Variants in HMCN2 observed in about 807,000 individuals in gnomAD.
The protein encoded by HMCN2 is hemicentin 2.
HMCN2 carries 325 observed loss-of-function variants against 377.5 expected under a neutral mutation model. That is an observed-to-expected ratio of 0.86 (90% CI 0.79 to 0.94). The LOEUF (loss-of-function observed/expected upper bound fraction) is 0.94. Among genes scored for constraint, HMCN2 ranks in the 40% least tolerant of loss-of-function variants. The pLI is 0.00. For missense variants in HMCN2, 4,543 were observed against 4,725.3 expected, an observed-to-expected ratio of 0.96 and a Z score of 1.13; for synonymous variants, 2,007 against 2,046.8, an observed-to-expected ratio of 0.98 and a Z score of 0.53.
At chr9:130,366,497 A>T (rs532919308) in intron 43 of HMCN2, among the ~76,000 whole-genome samples, 62 of 52,068 alleles carry the variant, frequency 1.2e-3, no homozygotes, top group African/African-American at 3.5e-3. Context: ...TTTTTTTGCC[A>T]GGCTGGAGTG....
At chr9:130,272,611 G>A (rs890302496) in intron 1 of HMCN2, among the ~76,000 whole-genome samples, 8 of 152,018 alleles carry the variant, frequency 5.3e-5, no homozygotes, top group African/African-American at 1.4e-4. Flanking sequence ...GCAGTGGCTC[G>A]ATCATGGCTC....
rs565693505 is a variant in HMCN2 at position 130,416,603 on chromosome 9, C to T, written c.12962-2169C>T. On this transcript the variant is annotated intron_variant, in intron 85 of 97. Transcript: ENST00000683500. ...CTCTAGGTTAGTTTCCAGTGATGGG[C>T]GGTTAAGAACAGGGCTGCTGTGACC... 3.9e-5 allele frequency among the ~76,000 whole-genome samples: 6 copies of T among 152,260 alleles called. No homozygotes were observed. The South Asian group carries it at 6.2e-4, about 16-fold the overall frequency.
intron 15 of HMCN2, among the ~76,000 whole-genome samples, chr9:130,311,345 C>A (rs927466131): frequency 4.3e-4 from 66 of 152,146 alleles, no homozygotes; most frequent in Non-Finnish European, 7.9e-4. Flanking sequence ...GGGGGTTGTG[C>A]TGTCTCAGGG....
intron 62 of HMCN2, among the ~76,000 whole-genome samples, chr9:130,390,481 C>T (rs892650194): frequency 6.6e-6 from 1 of 152,172 alleles, no homozygotes; most frequent in African/African-American, 2.4e-5. Flanking sequence ...GCAAGGAGAT[C>T]GTCCTGGGCT....
chr9:130,367,924 A>G (rs1487870843), intron 43 of HMCN2, among the ~76,000 whole-genome samples: 1 of 139,568 alleles, frequency 7.2e-6, no homozygotes, highest in Admixed American at 7.5e-5. Context: ...CCTGGGCAAC[A>G]GAGAGAGACT....
chr9:130,317,768 AGAGC>A (rs1837639291), intron 15 of HMCN2, among the ~76,000 whole-genome samples: 1 of 145,004 alleles, frequency 6.9e-6, no homozygotes, highest in East Asian at 2.2e-4. Flanking sequence ...CCTGGGCGAC[AGAGC>A]GAGACTCTGT....
chr9:130,354,866 C>A lies in HMCN2; in HGVS notation c.4968C>A (p.Pro1656=), dbSNP rs759898372. 4 of 1,304,292 alleles carry A rather than the reference C, an allele frequency of 3.1e-6. No homozygotes were observed. The highest frequency in any genetic ancestry group is 2.5e-5 in the South Asian group (2 of 81,034). The allele number at this position is 1,304,292 out of a possible 1,614,324, so 80.8% of individuals were successfully genotyped here. ...GCGTGGCCAGAGGCCACCCGTCCCC[C>A]ACCCTCTCCTGGCACCACGAGGGGC... ...LECVARGHPS[P]TLSWHHEGLP... is the part of the protein sequence containing the mutation. Residue 1656 remains proline (P), a synonymous_variant, in exon 32 of 98, where the codon CCC becomes CCA. Transcript: ENST00000683500.
rs111795813 is a variant in HMCN2, at chr9:130,391,827, G to C, written c.9953-108G>C. 4.3e-3 allele frequency: 2,957 copies of C among 693,034 alleles called. 81 individuals carry two copies. In the African/African-American group the frequency reaches 0.053, roughly 12 times the overall value. The allele number at this position is 693,034 out of a possible 1,614,324, so 42.9% of individuals were successfully genotyped here. A position where few individuals can be genotyped will look rare whatever the true frequency, so the allele number is the denominator to read the frequency against. On this transcript the variant is annotated intron_variant, in intron 65 of 97. Coordinates refer to ENST00000683500, the MANE Select transcript of HMCN2 (RefSeq NM_001291815.2). ...TCATCCTTCACAAGGGACCACTGTG[G>C]TTGCTGGCGGCAGAAGTCCAGGTCT... is the stretch of plus-strand genomic sequence containing the variant.
intron 75 of HMCN2, among the ~76,000 whole-genome samples, chr9:130,399,250 CAAA>C (rs35123847): frequency 1.0e-4 from 8 of 77,042 alleles, no homozygotes; most frequent in Admixed American, 1.2e-4. Flanking sequence ...GAGACTGTCT[CAAA>C]AAAAAAAAAA....
intron 34 of HMCN2, among the ~76,000 whole-genome samples, chr9:130,357,403 GGGATGGAT>G (rs1211562440): frequency 7.3e-6 from 1 of 137,906 alleles, no homozygotes; most frequent in Admixed American, 7.2e-5. Flanking sequence ...GATGGATGGA[GGGATGGAT>G]GGATGGATGG....
Position 130,369,846 on chromosome 9 carries a change from T to C in HMCN2, c.7064T>C (p.Val2355Ala), listed in dbSNP as rs1223903080. The C allele has an allele frequency of 1.0e-6, 1 of 986,020 alleles. No individual in the cohort carries two copies. The highest frequency in any genetic ancestry group is 1.7e-5 in the African/African-American group (1 of 57,226). 61.1% of individuals were successfully genotyped at this position (986,020 alleles called of 1,614,324 possible). The change falls in exon 45 of 98, where the codon GTA (valine) becomes GCA (alanine). Residue 2355 changes from valine to alanine, a missense_variant. Physicochemically the swap from Val to Ala is moderately conservative, Grantham distance 64. This residue lies in a region of HMCN2 where 1,032 missense variants were observed against 1,285.1 expected (regional missense o/e 0.80). Coordinates refer to ENST00000683500, the MANE Select transcript of HMCN2 (RefSeq NM_001291815.2). This position sits in a 1 kb window ranked among gnomAD's most constrained non-coding sequence, Gnocchi z 4.5. ...GCAGAGAGGAAGTTTGAGCTCTCCG[T>C]ACTGGGTGAGGACCGGCAGCTGCTG... The part of the protein sequence containing the change: ...GRAERKFELS[V>A]LVPPELIGDL...
chr9:130,405,402 G>C (rs1279019669), intron 81 of HMCN2, among the ~76,000 whole-genome samples: 1 of 152,212 alleles, frequency 6.6e-6, no homozygotes, highest in African/African-American at 2.4e-5. Context: ...TGGGTTTTGG[G>C]GAGTGTTGAG....
chr9:130,305,664 G>A (rs954481479), intron 11 of HMCN2, among the ~76,000 whole-genome samples: 1 of 152,194 alleles, frequency 6.6e-6, no homozygotes, highest in African/African-American at 2.4e-5. Context: ...GCTGTTTCTG[G>A]ATGCGCGGGC....
intron 48 of HMCN2, among the ~76,000 whole-genome samples, chr9:130,374,233 G>T (rs1841253380): frequency 6.6e-6 from 1 of 152,080 alleles, no homozygotes; most frequent in African/African-American, 2.4e-5. Context: ...TGTGTGGGTG[G>T]GTGGATGAAT....
intron 1 of HMCN2, among the ~76,000 whole-genome samples, chr9:130,280,815 C>T (rs1481053386): frequency 6.6e-6 from 1 of 152,030 alleles, no homozygotes; most frequent in Non-Finnish European, 1.5e-5. Flanking sequence ...GGTAGAAATA[C>T]AGGCAATTGG....
At chr9:130,432,915 C>T (rs1434852857) in intron 97 of HMCN2, 2 of 362,430 alleles carry the variant, frequency 5.5e-6, no homozygotes, top group East Asian at 5.5e-5. Context: ...AGGTTTCTCC[C>T]GGCGGGTGAC....
chr9:130,372,673 G>T (rs971931356), intron 47 of HMCN2, among the ~76,000 whole-genome samples: 6 of 152,242 alleles, frequency 3.9e-5, no homozygotes, highest in Non-Finnish European at 8.8e-5. Flanking sequence ...TACTCAGGAA[G>T]CAGAGGCTGC....
In HMCN2 at chr9:130,404,891, C is replaced by T; in HGVS notation, c.12171C>T (p.Gly4057=). The T allele has an allele frequency of 7.9e-7, 1 of 1,266,698 alleles. No individual in the cohort carries two copies. The highest frequency in any genetic ancestry group is 1.0e-6 in the Non-Finnish European group (1 of 976,358). 78.5% of individuals were successfully genotyped at this position (1,266,698 alleles called of 1,614,324 possible). A position where few individuals can be genotyped will look rare whatever the true frequency, so the allele number is the denominator to read the frequency against. Residue 4057 remains glycine, a synonymous_variant, in exon 81 of 98, where the codon GGC becomes GGT. Transcript: ENST00000683500. ...VVQVPPVIEN[G]LPDLSTTEGS... Reference sequence around the variant, plus strand: ...CAGTCCCACCAGTGATCGAGAATGGCCTCCCAGACCTGTCCACCACCGAAG... The same window carrying T: ...CAGTCCCACCAGTGATCGAGAATGGTCTCCCAGACCTGTCCACCACCGAAG...
chr9:130,385,472 TG>T, intron 59 of HMCN2, 87 bp from the exon 60 acceptor site: 1 of 941,506 alleles, frequency 1.1e-6, no homozygotes. Flanking sequence ...GTGACCCTGG[TG>T]GGTTTCCACT....
Sources: allele counts gnomAD v4.1 joint callset (sites outside exome capture counted in the v4.1 genomes callset), GRCh38; gene constraint gnomAD v4.1.1; regional missense constraint gnomAD v4.1.1; non-coding constraint Gnocchi (gnomAD v3.1); transcripts MANE v1.5; gene names NCBI Gene and HGNC (gene_info 2026-07-23, HGNC 2026-07-21).